The following DIS3 variants were observed in gnomAD, a reference collection of about 807,000 sequenced individuals.
DIS3 encodes the protein DIS3 exosome endoribonuclease and 3'-5' exoribonuclease, also known as exosome complex exonuclease RRP44.
DIS3 carries 103 observed loss-of-function variants against 113.0 expected under a neutral mutation model. The ratio of observed to expected loss-of-function variants is 0.91; its 90% CI spans 0.78 to 1.07. The LOEUF is 1.07. DIS3 is among the 50% of genes least tolerant of loss of function. DIS3 has a pLI of 0.00. For missense variants in DIS3, 1,121 were observed against 1,167.1 expected, an observed-to-expected ratio of 0.96 and a Z score of 0.58; for synonymous variants, 402 against 394.3, an observed-to-expected ratio of 1.02 and a Z score of -0.23.
Position 72,781,833 on chromosome 13 carries a change from C to A in DIS3, c.-1G>T. The stretch of plus-strand genomic sequence containing the variant: ...TTAAGAACGTCTTGGACTTGAGCAT[C>A]TTGCCTCGCCGCGCAGAATCCTAAC... On this transcript the variant is annotated 5_prime_UTR_variant, in exon 1 of 21. Transcript: ENST00000377767. 1.3e-6 allele frequency: 2 copies of A among 1,577,120 alleles called. No homozygotes were observed. Among genetic ancestry groups the A allele is most frequent in the Non-Finnish European group, 1.7e-6 (2 of 1,158,376 alleles).
rs149071804 is a variant in DIS3, at chr13:72,758,142, A to C, written c.*1653T>G. On this transcript the variant is annotated 3_prime_UTR_variant, in exon 21 of 21. Coordinates refer to ENST00000377767, the MANE Select transcript of DIS3 (RefSeq NM_014953.5). ...TTTACTGTACCTTTTCTATGTTTAG[A>C]TATGTTTAGATACACAAATACTTAG... 1 of 180,048 alleles carries C rather than the reference A, an allele frequency of 5.6e-6. No homozygotes were observed. The highest frequency in any genetic ancestry group is 1.2e-5 in the Non-Finnish European group (1 of 84,252). The allele number at this position is 180,048 out of a possible 1,614,324, so 11.2% of individuals were successfully genotyped here. A position where few individuals can be genotyped will look rare whatever the true frequency, so the allele number is the denominator to read the frequency against.
intron 16 of DIS3, 102 bp from the exon 17 acceptor site, chr13:72,762,239 TTTG>T (rs1013456040): frequency 9.4e-7 from 1 of 1,065,862 alleles, no homozygotes; most frequent in African/African-American, 1.6e-5. Flanking sequence ...ACATCATGTT[TTTG>T]TTATTTTCCT....
Position 72,780,844 on chromosome 13 carries a change from ACCTATG to A in DIS3, c.382_386+1del. On this transcript the variant is annotated splice_donor_variant and coding_sequence_variant, in exon 2 of 21. Transcript: ENST00000377767. LOFTEE classifies it high-confidence loss of function. The stretch of plus-strand genomic sequence containing the variant: ...TGATATTTAACGTAATATTCCTCCT[ACCTATG>A]GTGCTCATTAGTGAAAGTATAGAAA... 1 of 1,599,316 alleles carries A rather than the reference ACCTATG, an allele frequency of 6.3e-7. No homozygotes were observed. Among genetic ancestry groups the A allele is most frequent in the South Asian group, 1.1e-5 (1 of 88,324 alleles).
chr13:72,780,895 T>C lies in DIS3; in HGVS notation c.337A>G (p.Thr113Ala). The change falls in exon 2 of 21, where the codon ACT becomes GCT. Residue 113 changes from threonine (T) to alanine (A), a missense_variant. Physicochemically the swap from Thr to Ala is moderately conservative, Grantham distance 58 (BLOSUM62 0). Around this residue, in one of 3 missense-constraint regions of DIS3, gnomAD observed 254 missense variants for 232.2 expected, o/e 1.09. Coordinates refer to ENST00000377767, the MANE Select transcript of DIS3 (RefSeq NM_014953.5). ...TAGAAATGCTTCTCTTGGTTATTAGTCACATCTCGGATGCGTTTATATACG... is the reference window on the plus strand; with the variant it reads ...TAGAAATGCTTCTCTTGGTTATTAGCCACATCTCGGATGCGTTTATATACG... ...APVYKRIRDV[T>A]NNQEKHFYTF... is the part of the protein sequence containing the mutation. The C allele has an allele frequency of 6.2e-7, 1 of 1,612,876 alleles. No individual in the cohort carries two copies.
chr13:72,778,468 A>T, intron 2 of DIS3, 88 bp from the exon 3 acceptor site: 1 of 1,075,272 alleles, frequency 9.3e-7, no homozygotes, highest in Non-Finnish European at 1.3e-6. Flanking sequence ...TTAACCACTA[A>T]ACTAGAAAAA....
At position 72,772,171 on chromosome 13, in the gene DIS3, A is replaced by G; in HGVS notation, c.1491T>C (p.Asn497=). Reference sequence around the variant, plus strand: ...TACATATGAATACCTCCAAATTTCCATTTTCGAGTTCTCGACAATGTAGAG... The same window carrying G: ...TACATATGAATACCTCCAAATTTCCGTTTTCGAGTTCTCGACAATGTAGAG... ...DDALHCRELE[N]GNLEVGVHIA... is the part of the protein sequence containing the mutation. The change falls in exon 10 of 21, where the codon AAT becomes AAC. Residue 497 remains asparagine (N), a synonymous_variant. Transcript: ENST00000377767. 1 of 1,612,334 alleles carries G rather than the reference A, an allele frequency of 6.2e-7. No individual in the cohort carries two copies. Among genetic ancestry groups the G allele is most frequent in the Non-Finnish European group, 8.5e-7 (1 of 1,179,550 alleles).
rs775188841 is a variant in DIS3 at position 72,765,965 on chromosome 13, T to C, written c.1970+7A>G. Reference sequence around the variant, plus strand: ...CTTATCTAATGCCCATCAAAAAAATTACAAACCTAAGTTCCTTGGTCTGCA... The same window carrying C: ...CTTATCTAATGCCCATCAAAAAAATCACAAACCTAAGTTCCTTGGTCTGCA... On this transcript the variant is annotated splice_region_variant and intron_variant, in intron 15 of 20. Transcript: ENST00000377767. 3.2e-6 allele frequency: 5 copies of C among 1,587,216 alleles called. No homozygotes were observed. Among genetic ancestry groups the C allele is most frequent in the Non-Finnish European group, 3.4e-6 (4 of 1,169,346 alleles).
rs2033572426 is a variant in DIS3 at position 72,759,477 on chromosome 13, A to C, written c.*318T>G. The C allele has an allele frequency of 4.0e-6, 1 of 247,052 alleles. No individual in the cohort carries two copies. 15.3% of individuals were successfully genotyped at this position (247,052 alleles called of 1,614,324 possible). A position where few individuals can be genotyped will look rare whatever the true frequency, so the allele number is the denominator to read the frequency against. ...TTAAATAATCAAAGTACTTACGCAA[A>C]ATTAATCTGCTCCTCAATGAGATGA... On this transcript the variant is annotated 3_prime_UTR_variant, in exon 21 of 21. Transcript: ENST00000377767.
chr13:72,753,379 A>G lies in DIS3; in HGVS notation c.*6416T>C, dbSNP rs1426712623. ...GTTGGAAGGTGAAGTTAGTTGTAATACTCATTTTTGTCTACTAGGTACGAT... is the reference window on the plus strand; with the variant it reads ...GTTGGAAGGTGAAGTTAGTTGTAATGCTCATTTTTGTCTACTAGGTACGAT... On this transcript the variant is annotated 3_prime_UTR_variant, in exon 21 of 21. Coordinates refer to ENST00000377767, the MANE Select transcript of DIS3 (RefSeq NM_014953.5). The G allele has an allele frequency of 5.1e-6, 1 of 197,260 alleles. No individual in the cohort carries two copies. Among genetic ancestry groups the G allele is most frequent in the African/African-American group, 2.3e-5 (1 of 42,828 alleles). The allele number at this position is 197,260 out of a possible 1,614,324, so 12.2% of individuals were successfully genotyped here.
intron 16 of DIS3, among the ~76,000 whole-genome samples, chr13:72,762,892 A>T (rs1275415092): frequency 6.6e-6 from 1 of 152,224 alleles, no homozygotes; most frequent in Non-Finnish European, 1.5e-5. Flanking sequence ...GAAGCAACAT[A>T]GACATATGAA....
chr13:72,772,841 T>C lies in DIS3; in HGVS notation c.1240-2A>G. 1 of 1,593,014 alleles carries C rather than the reference T, an allele frequency of 6.3e-7. No individual in the cohort carries two copies. Among genetic ancestry groups the C allele is most frequent in the South Asian group, 1.2e-5 (1 of 86,604 alleles). On this transcript the variant is annotated splice_acceptor_variant, in intron 8 of 20. Coordinates refer to ENST00000377767, the MANE Select transcript of DIS3 (RefSeq NM_014953.5). LOFTEE classifies it high-confidence loss of function. Reference sequence around the variant, plus strand: ...ACCTAAATTTCTCACAAAGTGTCCCTGAAACCAAGAGGCATTATTAGAAAC... The same window carrying C: ...ACCTAAATTTCTCACAAAGTGTCCCCGAAACCAAGAGGCATTATTAGAAAC...
chr13:72,773,818 T>C lies in DIS3; in HGVS notation c.1105A>G (p.Arg369Gly), dbSNP rs148896062. The change falls in exon 8 of 21, where the codon AGA becomes GGA. Residue 369 changes from arginine (R) to glycine (G), a missense_variant. Transcript: ENST00000377767. ...TCAGCAGGTGTAAAGAGATGTCTTC[T>C]TGACTAGCAAAAATTAGGAATAAAG... Reference protein sequence around the residue: ...MLSKSDIKESRRHLFTPADKR... With the variant: ...MLSKSDIKESGRHLFTPADKR... 6.0e-5 allele frequency: 96 copies of C among 1,604,382 alleles called. No homozygotes were observed. In the African/African-American group the frequency reaches 8.7e-4, roughly 15 times the overall value.
At chr13:72,763,635 C>T in intron 15 of DIS3, 28 bp from the exon 16 acceptor site, 3 of 1,583,542 alleles carry the variant, frequency 1.9e-6, no homozygotes, top group South Asian at 2.3e-5. Flanking sequence ...ATTAAACAAA[C>T]AAAAAAGAGA....
intron 9 of DIS3, 30 bp downstream of exon 9, chr13:72,772,663 T>A (rs755582111): frequency 3.2e-5 from 50 of 1,579,302 alleles, no homozygotes; most frequent in Non-Finnish European, 4.2e-5. Flanking sequence ...TAATAATTTA[T>A]AAAGTCACTA....
chr13:72,775,946 G>A lies in DIS3; in HGVS notation c.801C>T (p.Gly267=), dbSNP rs193258322. 830 of 1,602,090 alleles carry A rather than the reference G, an allele frequency of 5.2e-4. 16 individuals carry two copies. In the South Asian group the frequency reaches 7.4e-3, roughly 14 times the overall value. Reference sequence around the variant, plus strand: ...TTGCCTCTTTATTTTCTTCATTGTCGCCATGAATCCATACTGTAGCTTCCA... The same window carrying A: ...TTGCCTCTTTATTTTCTTCATTGTCACCATGAATCCATACTGTAGCTTCCA... ...NYLEATVWIH[G]DNEENKEIIL... is the part of the protein sequence containing the mutation. Residue 267 remains glycine (G), a synonymous_variant, in exon 5 of 21, where the codon GGC becomes GGT. Coordinates refer to ENST00000377767, the MANE Select transcript of DIS3 (RefSeq NM_014953.5).
intron 1 of DIS3, chr13:72,781,295 C>CTT (rs1342697667): frequency 1.3e-6 from 2 of 1,551,248 alleles, no homozygotes; most frequent in African/African-American, 2.7e-5. Flanking sequence ...TTACAAGCTG[C>CTT]CTGGGAGTCG....
chr13:72,772,895 T>C (rs1172726118), intron 8 of DIS3, 56 bp from the exon 9 acceptor site: 16 of 1,504,452 alleles, frequency 1.1e-5, no homozygotes, highest in Non-Finnish European at 1.4e-5. Context: ...TTACATCTTA[T>C]CATATTAAAT....
chr13:72,771,761 A>C, intron 11 of DIS3, 34 bp downstream of exon 11: 2 of 1,598,470 alleles, frequency 1.3e-6, no homozygotes, highest in Non-Finnish European at 1.7e-6. Context: ...TTAAGTGTCC[A>C]TGACTGTTAA....
chr13:72,761,820 T>C lies in DIS3; in HGVS notation c.2343-6A>G, dbSNP rs749614188. ...GAACAATGACATCTGCGTATCTAGA[T>C]AGATGGAAAAATAAGAACCATGGTA... On this transcript the variant is annotated splice_polypyrimidine_tract_variant and splice_region_variant and intron_variant, in intron 17 of 20. Coordinates refer to ENST00000377767, the MANE Select transcript of DIS3 (RefSeq NM_014953.5). The C allele has an allele frequency of 1.2e-5, 20 of 1,609,996 alleles. No homozygotes were observed. The Admixed American group carries it at 2.2e-4, about 18-fold the overall frequency.
Sources: gnomAD v4.1 joint callset for allele counts (sites outside exome capture counted in the v4.1 genomes callset) on GRCh38, gnomAD v4.1.1 for gene constraint, gnomAD v4.1.1 regional missense constraint, MANE v1.5 for transcripts, NCBI Gene and HGNC (gene_info 2026-07-23, HGNC 2026-07-21) for gene names.